MYO16: variants seen among roughly 807,000 people sequenced by gnomAD.
MYO16 encodes the protein unconventional myosin-XVI.
A neutral mutation model predicts 205.3 loss-of-function variants in MYO16; 94 were observed. That is an observed-to-expected ratio of 0.46 (90% CI 0.39 to 0.54). The LOEUF (loss-of-function observed/expected upper bound fraction) is 0.54. Among genes scored for constraint, MYO16 ranks in the 20% least tolerant of loss-of-function variants. MYO16 has a pLI of 0.00. For missense variants in MYO16, 2,315 were observed against 2,387.5 expected (o/e 0.97, Z 0.63); for synonymous variants, 988 against 954.0 (o/e 1.04, Z -0.66).
chr13:109,042,901 C>T (rs774885778), intron 23 of MYO16, among the ~76,000 whole-genome samples: 2 of 152,170 alleles, frequency 1.3e-5, no homozygotes, highest in Non-Finnish European at 2.9e-5. Context: ...AAAAATCAAA[C>T]TGCCATCAGC....
chr13:108,722,395 T>C (rs1445640589), intron 3 of MYO16, among the ~76,000 whole-genome samples: 1 of 152,202 alleles, frequency 6.6e-6, no homozygotes, highest in East Asian at 1.9e-4. Context: ...TGTTCCACCA[T>C]CACACTCTTT....
At chr13:108,700,885 C>G (rs1456477768) in intron 2 of MYO16, among the ~76,000 whole-genome samples, 1 of 151,982 alleles carries the variant, frequency 6.6e-6, no homozygotes, top group African/African-American at 2.4e-5. Flanking sequence ...CCTGGGAAGA[C>G]CCCAATTTCT....
chr13:108,828,259 T>C (rs118119010), intron 9 of MYO16, among the ~76,000 whole-genome samples: 1 of 152,294 alleles, frequency 6.6e-6, no homozygotes, highest in Non-Finnish European at 1.5e-5. Flanking sequence ...TTCCAAAGCT[T>C]ATCAATTTGG....
chr13:108,658,334 C>T (rs565465795), intron 1 of MYO16, among the ~76,000 whole-genome samples: 1 of 151,992 alleles, frequency 6.6e-6, no homozygotes, highest in East Asian at 1.9e-4. Context: ...GTCAATTTCT[C>T]ACGTCTTTCT....
chr13:108,763,787 TTGTGTGTGTG>T (rs56115831), intron 4 of MYO16, among the ~76,000 whole-genome samples: 1,915 of 142,628 alleles, frequency 0.013, 35 homozygotes, highest in African/African-American at 0.047. Flanking sequence ...AGAAAAGGAG[TTGTGTGTGTG>T]TGTGTGTGTG....
the MYO16 span, among the ~76,000 whole-genome samples, chr13:108,538,637 G>T: frequency 6.6e-6 from 1 of 152,174 alleles, no homozygotes; most frequent in Admixed American, 6.6e-5. Flanking sequence ...ATTCTGGAGA[G>T]GTAGCTGCTA....
chr13:109,110,042 G>A (rs1423497381), intron 28 of MYO16, among the ~76,000 whole-genome samples: 1 of 152,244 alleles, frequency 6.6e-6, no homozygotes, highest in Non-Finnish European at 1.5e-5. Context: ...CCACACCCCA[G>A]GGAGTGCCAA....
intron 22 of MYO16, among the ~76,000 whole-genome samples, chr13:109,009,418 T>A (rs1226006615): frequency 6.6e-6 from 1 of 152,232 alleles, no homozygotes; most frequent in Non-Finnish European, 1.5e-5. Context: ...TCTTTTTTGT[T>A]AATTTATCTT....
chr13:109,017,394 A>G (rs1885866483), intron 22 of MYO16, among the ~76,000 whole-genome samples: 1 of 152,126 alleles, frequency 6.6e-6, no homozygotes, highest in African/African-American at 2.4e-5. Context: ...GGCTACCCTT[A>G]GAATTTTTTC....
intron 16 of MYO16, among the ~76,000 whole-genome samples, chr13:108,920,342 T>C (rs553733811): frequency 6.6e-6 from 1 of 152,054 alleles, no homozygotes; most frequent in Non-Finnish European, 1.5e-5. Context: ...CTCCCTTCTT[T>C]TTCTTTCTTT....
At chr13:108,961,060 T>G (rs572996855) in intron 17 of MYO16, among the ~76,000 whole-genome samples, 1 of 152,334 alleles carries the variant, frequency 6.6e-6, no homozygotes, top group South Asian at 2.1e-4. Context: ...TCGTGTTAAT[T>G]TATCTCATAA....
At chr13:109,178,972 G>T (rs1464109984) in intron 33 of MYO16, among the ~76,000 whole-genome samples, 1 of 152,218 alleles carries the variant, frequency 6.6e-6, no homozygotes, top group Admixed American at 6.5e-5. Flanking sequence ...CTGCATGGTT[G>T]CTCATGAATT....
intron 28 of MYO16, among the ~76,000 whole-genome samples, chr13:109,111,814 G>A (rs1889296225): frequency 6.6e-6 from 1 of 151,860 alleles, no homozygotes. Flanking sequence ...AGCCTCCCAA[G>A]TAGCTGGGAC....
intron 10 of MYO16, among the ~76,000 whole-genome samples, chr13:108,849,924 C>T (rs1207545619): frequency 2.9e-5 from 4 of 137,398 alleles, no homozygotes; most frequent in African/African-American, 8.5e-5. Flanking sequence ...GGGTTATTTG[C>T]GCCTAGACTG....
chr13:108,793,559 A>C lies in MYO16; in HGVS notation c.660A>C (p.Pro220=), dbSNP rs776777817. 8.7e-6 allele frequency: 14 copies of C among 1,613,818 alleles called. No homozygotes were observed. Among genetic ancestry groups the C allele is most frequent in the Non-Finnish European group, 1.1e-5 (13 of 1,179,832 alleles). ...TSLRQMKLQR[P]MSMLTDVKHF... is the part of the protein sequence containing the mutation. ...TGCGCCAGATGAAGCTTCAGAGACC[A>C]ATGAGTATGTTAACAGATGTCAAAC... The change falls in exon 6 of 35, where the codon CCA becomes CCC. Residue 220 remains proline, a synonymous_variant. Transcript: ENST00000457511.
At chr13:109,121,243 T>C (rs1875976596) in intron 29 of MYO16, among the ~76,000 whole-genome samples, 2 of 152,198 alleles carry the variant, frequency 1.3e-5, no homozygotes, top group Non-Finnish European at 2.9e-5. Flanking sequence ...GGCATGGGAC[T>C]GATCCCTACC....
At chr13:108,872,699 A>G (rs1167619318) in intron 12 of MYO16, among the ~76,000 whole-genome samples, 2 of 151,720 alleles carry the variant, frequency 1.3e-5, no homozygotes, top group Admixed American at 6.6e-5. Context: ...ATGATTTTAT[A>G]AAATGAATTT....
At chr13:108,654,598 G>C (rs972547374) in intron 1 of MYO16, among the ~76,000 whole-genome samples, 4 of 152,184 alleles carry the variant, frequency 2.6e-5, no homozygotes, top group African/African-American at 9.7e-5. Context: ...CGAAAATGTG[G>C]AAGTAACTTT....
intron 34 of MYO16, among the ~76,000 whole-genome samples, chr13:109,189,544 C>T (rs769520714): frequency 1.3e-5 from 2 of 152,156 alleles, no homozygotes; most frequent in Non-Finnish European, 2.9e-5. Context: ...TTTCAGTCTA[C>T]CCTGGTCAAC....
Sources: allele counts gnomAD v4.1 joint callset (sites outside exome capture counted in the v4.1 genomes callset), GRCh38; gene constraint gnomAD v4.1.1; transcripts MANE v1.5; gene names NCBI Gene and HGNC (gene_info 2026-07-23, HGNC 2026-07-21).